Variants in ZNF610 observed in about 807,000 individuals in gnomAD.
ZNF610 encodes zink finger protein.
A neutral mutation model predicts 14.1 loss-of-function variants in ZNF610; 14 were observed. The observed-to-expected ratio is 0.99, with a 90% CI of 0.65 to 1.55. The LOEUF (loss-of-function observed/expected upper bound fraction) is 1.55, where lower values mean the gene tolerates loss of function less well. Among genes scored for constraint, ZNF610 ranks in the 40% most tolerant of loss-of-function variants. ZNF610 has a pLI of 0.00. For missense variants in ZNF610, 530 were observed against 558.0 expected, an observed-to-expected ratio of 0.95 and a Z score of 0.51; for synonymous variants, 185 against 187.6, an observed-to-expected ratio of 0.99 and a Z score of 0.11.
intron 5 of ZNF610, among the ~76,000 whole-genome samples, chr19:52,362,986 T>G (rs548386244): frequency 5.9e-5 from 9 of 152,214 alleles, no homozygotes; most frequent in East Asian, 1.9e-4. Flanking sequence ...TTTATTTTTA[T>G]TTTTTAGTTT....
intron 1 of ZNF610, among the ~76,000 whole-genome samples, chr19:52,343,337 G>A (rs1984776875): frequency 6.6e-6 from 1 of 152,070 alleles, no homozygotes. Flanking sequence ...GGGGGCAGAG[G>A]TTGCAGTTAG....
chr19:52,351,851 T>C lies in ZNF610; in HGVS notation c.64-1831T>C, dbSNP rs117967853. Among the ~76,000 whole-genome samples the C allele has an allele frequency of 2.8e-3, 424 of 152,334 alleles. 6 individuals are homozygous for C. The East Asian group carries it at 0.058, about 21-fold the overall frequency. On this transcript the variant is annotated intron_variant, in intron 3 of 5. Coordinates refer to ENST00000403906, the MANE Select transcript of ZNF610 (RefSeq NM_001161425.2). ...TGTCCCTCAGGAGAAATCTGGAGTT[T>C]GTGGTTTCCTCTGGATGATGGCGCG...
At chr19:52,346,682 A>T (rs1984976293) in intron 1 of ZNF610, among the ~76,000 whole-genome samples, 1 of 152,192 alleles carries the variant, frequency 6.6e-6, no homozygotes, top group Admixed American at 6.5e-5. Context: ...ATAAGCAAGT[A>T]AACCACCATA....
intron 5 of ZNF610, among the ~76,000 whole-genome samples, chr19:52,360,294 A>G (rs967398534): frequency 1.3e-5 from 2 of 152,186 alleles, no homozygotes; most frequent in Non-Finnish European, 2.9e-5. Context: ...GGCCTACCGT[A>G]CCCAACACTA....
intron 5 of ZNF610, among the ~76,000 whole-genome samples, chr19:52,354,725 T>C (rs993646866): frequency 6.6e-6 from 1 of 151,734 alleles, no homozygotes; most frequent in Non-Finnish European, 1.5e-5. Context: ...ATTACAGGCA[T>C]GTGTCACCAC....
At chr19:52,357,939 T>G (rs1985609796) in intron 5 of ZNF610, among the ~76,000 whole-genome samples, 1 of 152,200 alleles carries the variant, frequency 6.6e-6, no homozygotes, top group Admixed American at 6.5e-5. Flanking sequence ...CTGGCATGTG[T>G]GTGAGTTCCT....
Position 52,366,733 on chromosome 19 carries a change from G to C in ZNF610, c.1355G>C (p.Gly452Ala). 1 of 1,614,044 alleles carries C rather than the reference G, an allele frequency of 6.2e-7. No homozygotes were observed. Among genetic ancestry groups the C allele is most frequent in the Middle Eastern group, 1.6e-4 (1 of 6,062 alleles). Reference sequence around the variant, plus strand: ...TCACGACATCGGAAAATTCATGCTGGAGAGAATTCACTGCGTACCTTACAG... The same window carrying C: ...TCACGACATCGGAAAATTCATGCTGCAGAGAATTCACTGCGTACCTTACAG... ...HLSRHRKIHAGENSLRTLQME is the reference protein window; with the variant it reads ...HLSRHRKIHAAENSLRTLQME Residue 452 changes from glycine (G) to alanine (A), a missense_variant, in exon 6 of 6, where the codon GGA becomes GCA. Physicochemically the swap from Gly to Ala is moderately conservative, Grantham distance 60. Coordinates refer to ENST00000403906, the MANE Select transcript of ZNF610 (RefSeq NM_001161425.2).
chr19:52,342,019 G>A (rs1984712306), intron 1 of ZNF610, among the ~76,000 whole-genome samples: 1 of 152,050 alleles, frequency 6.6e-6, no homozygotes, highest in African/African-American at 2.4e-5. Context: ...ATGTTGCCTA[G>A]GCTGGTCTCA....
At chr19:52,357,956 C>T (rs1387506090) in intron 5 of ZNF610, among the ~76,000 whole-genome samples, 2 of 152,188 alleles carry the variant, frequency 1.3e-5, no homozygotes, top group Non-Finnish European at 2.9e-5. Context: ...TCCTGCTCAC[C>T]TTCCTGTCAG....
chr19:52,334,796 G>A (rs1303850143), upstream of ZNF610, among the ~76,000 whole-genome samples: 1 of 151,888 alleles, frequency 6.6e-6, no homozygotes, highest in Non-Finnish European at 1.5e-5. Flanking sequence ...AAGCACTGTG[G>A]TGCAAGCCTG....
chr19:52,361,274 G>A (rs1015874185), intron 5 of ZNF610, among the ~76,000 whole-genome samples: 4 of 151,734 alleles, frequency 2.6e-5, no homozygotes, highest in Admixed American at 2.0e-4. Context: ...CGCCTCCCAG[G>A]TTCCAGTGAT....
At chr19:52,339,331 G>A (rs888670838) in intron 1 of ZNF610, among the ~76,000 whole-genome samples, 2 of 151,828 alleles carry the variant, frequency 1.3e-5, no homozygotes, top group African/African-American at 4.8e-5. Context: ...CCAGGCTGGG[G>A]GATGGTCAGG....
upstream of ZNF610, among the ~76,000 whole-genome samples, chr19:52,332,825 T>TG (rs1281376097): frequency 6.6e-6 from 1 of 152,180 alleles, no homozygotes; most frequent in Non-Finnish European, 1.5e-5. This position sits in a 1 kb window ranked among gnomAD's most constrained non-coding sequence, Gnocchi z 4.1. Context: ...ACAAAGCCCA[T>TG]GGTTCCTGGA....
chr19:52,361,627 A>AT (rs201099640), intron 5 of ZNF610, among the ~76,000 whole-genome samples: 6 of 150,378 alleles, frequency 4.0e-5, no homozygotes, highest in Non-Finnish European at 7.4e-5. Context: ...TAATTTAAAA[A>AT]TTTTTTTTTT....
At chr19:52,349,391 G>C (rs952753030) in intron 3 of ZNF610, among the ~76,000 whole-genome samples, 156 bp downstream of exon 3, 2 of 151,950 alleles carry the variant, frequency 1.3e-5, no homozygotes, top group Non-Finnish European at 2.9e-5. Context: ...ACATGAATGT[G>C]GGAAGAGACT....
chr19:52,353,796 C>G lies in ZNF610; in HGVS notation c.178C>G (p.Leu60Val). The change falls in exon 4 of 6, where the codon CTG becomes GTG. Residue 60 changes from leucine (L) to valine (V), a missense_variant. By Grantham distance (32) the Leu-to-Val change is conservative. Coordinates refer to ENST00000403906, the MANE Select transcript of ZNF610 (RefSeq NM_001161425.2). ...RDVMLENYRN[L>V]VFLGICLPDL... ...CGTGATGTTGGAGAACTACAGGAAC[C>G]TGGTCTTTCTGGGTGAGGATGACTT... The G allele has an allele frequency of 6.2e-7, 1 of 1,612,024 alleles. No individual in the cohort carries two copies.
Position 52,366,739 on chromosome 19 carries a change from A to G in ZNF610, c.1361A>G (p.Asn454Ser). 1.9e-6 allele frequency: 3 copies of G among 1,613,984 alleles called. No individual in the cohort carries two copies. Among genetic ancestry groups the G allele is most frequent in the Non-Finnish European group, 2.5e-6 (3 of 1,179,848 alleles). ...CATCGGAAAATTCATGCTGGAGAGA[A>G]TTCACTGCGTACCTTACAGATGGAA... ...SRHRKIHAGE[N>S]SLRTLQME Residue 454 changes from asparagine (N) to serine (S), a missense_variant, in exon 6 of 6, where the codon AAT (asparagine) becomes AGT (serine). Transcript: ENST00000403906.
intron 3 of ZNF610, among the ~76,000 whole-genome samples, 168 bp downstream of exon 3, chr19:52,349,403 C>T (rs533845502): frequency 2.7e-4 from 41 of 152,052 alleles, no homozygotes; most frequent in African/African-American, 8.7e-4. Flanking sequence ...GAAGAGACTG[C>T]ACTGGGCGTG....
rs1986149413 is a variant in ZNF610, at chr19:52,367,184, C to CG, written c.*417_*418insG. ...TATTACCCAGGCTGGAGTGCAGTGG[C>CG]ATGATCTTGGCTCACTGCAACCTCC... On this transcript the variant is annotated 3_prime_UTR_variant, in exon 6 of 6. Coordinates refer to ENST00000403906, the MANE Select transcript of ZNF610 (RefSeq NM_001161425.2). 1.9e-5 allele frequency: 3 copies of CG among 157,872 alleles called. No individual in the cohort carries two copies. The highest frequency in any genetic ancestry group is 1.9e-4 in the Admixed American group (3 of 15,908). The allele number at this position is 157,872 out of a possible 1,614,324, so 9.8% of individuals were successfully genotyped here.
Sources: gnomAD v4.1 joint callset for allele counts (sites outside exome capture counted in the v4.1 genomes callset) on GRCh38, gnomAD v4.1.1 for gene constraint, Gnocchi (gnomAD v3.1) non-coding constraint, MANE v1.5 for transcripts, NCBI Gene and HGNC (gene_info 2026-07-23, HGNC 2026-07-21) for gene names.